The following NRG3 variants were observed in gnomAD, a reference collection of about 807,000 sequenced individuals.
NRG3 encodes the protein neuregulin 3.
A neutral mutation model predicts 66.9 loss-of-function variants in NRG3; 31 were observed. The ratio of observed to expected loss-of-function variants is 0.46; its 90% CI spans 0.35 to 0.63. The LOEUF is 0.63. Ranked by LOEUF, NRG3 falls within the 20% of genes least tolerant of loss-of-function variation. NRG3 has a pLI of 0.00. For synonymous variants in NRG3, 393 were observed against 359.4 expected, an observed-to-expected ratio of 1.09 and a Z score of -1.06; for missense variants, 910 against 878.9, an observed-to-expected ratio of 1.04 and a Z score of -0.45.
At chr10:81,968,093 T>A (rs1340808365) in intron 1 of NRG3, among the ~76,000 whole-genome samples, 2 of 152,362 alleles carry the variant, frequency 1.3e-5, no homozygotes, top group East Asian at 3.9e-4. Context: ...AACCACAGAA[T>A]GTCAGTGGAA....
chr10:82,020,530 C>T (rs778154406), intron 1 of NRG3, among the ~76,000 whole-genome samples: 4 of 152,034 alleles, frequency 2.6e-5, no homozygotes, highest in Non-Finnish European at 4.4e-5. Flanking sequence ...GAGGTATACA[C>T]GATCTCAATA....
chr10:82,930,806 T>C (rs1343984561), intron 4 of NRG3, among the ~76,000 whole-genome samples: 2 of 152,138 alleles, frequency 1.3e-5, no homozygotes, highest in East Asian at 3.9e-4. Context: ...TCCTAGAAGC[T>C]CATACTGGGA....
At chr10:82,334,568 A>G (rs1023056420) in intron 1 of NRG3, among the ~76,000 whole-genome samples, 1 of 152,244 alleles carries the variant, frequency 6.6e-6, no homozygotes, top group Non-Finnish European at 1.5e-5. Flanking sequence ...GAGTGATTTT[A>G]TAAAGAAAAT....
At chr10:82,672,611 G>A (rs1260412887) in intron 2 of NRG3, among the ~76,000 whole-genome samples, 1 of 152,176 alleles carries the variant, frequency 6.6e-6, no homozygotes, top group Non-Finnish European at 1.5e-5. Flanking sequence ...CTCAAATATT[G>A]TCATTTTGTT....
At chr10:82,693,844 T>G (rs1215842022) in intron 2 of NRG3, among the ~76,000 whole-genome samples, 3 of 152,176 alleles carry the variant, frequency 2.0e-5, no homozygotes, top group Admixed American at 6.5e-5. Flanking sequence ...AGATTTATTG[T>G]GAAGAGTGAA....
At chr10:81,969,764 A>G (rs1447156384) in intron 1 of NRG3, among the ~76,000 whole-genome samples, 1 of 144,520 alleles carries the variant, frequency 6.9e-6, no homozygotes, top group African/African-American at 2.8e-5. Context: ...TCATGTCTGG[A>G]CATTTTGAGT....
In NRG3 at chr10:82,705,407, G is replaced by A. The variant is rs904825793; in HGVS notation, c.954-33170G>A. ...TGTGGGGGGCAGAGCCCAGCAATCT[G>A]TTTGTTAACAAGTCCTCCAGGGCAT... On this transcript the variant is annotated intron_variant, in intron 2 of 8. Transcript: ENST00000372141. Among the ~76,000 whole-genome samples the A allele has an allele frequency of 7.9e-5, 12 of 152,142 alleles. No individual in the cohort carries two copies. The East Asian group carries it at 9.6e-4, about 12-fold the overall frequency.
intron 1 of NRG3, among the ~76,000 whole-genome samples, chr10:82,267,248 TGCATACAC>T (rs1345012912): frequency 6.6e-6 from 1 of 152,188 alleles, no homozygotes; most frequent in Non-Finnish European, 1.5e-5. Context: ...GACTATCACA[TGCATACAC>T]GCATACACAA....
intron 2 of NRG3, among the ~76,000 whole-genome samples, chr10:82,482,331 T>A (rs566413354): frequency 1.3e-5 from 2 of 152,334 alleles, no homozygotes; most frequent in African/African-American, 4.8e-5. Context: ...AGATTTTTCA[T>A]CTTGAATAGT....
intron 1 of NRG3, among the ~76,000 whole-genome samples, chr10:82,054,403 C>T (rs1345596962): frequency 1.3e-5 from 2 of 151,964 alleles, no homozygotes; most frequent in South Asian, 2.1e-4. Flanking sequence ...AAGGATGACT[C>T]GAAGACTTTG....
chr10:82,229,796 G>C (rs746378761), intron 1 of NRG3, among the ~76,000 whole-genome samples: 1 of 152,138 alleles, frequency 6.6e-6, no homozygotes, highest in Non-Finnish European at 1.5e-5. Flanking sequence ...TTTAGTTGAG[G>C]ACACAGGCAA....
intron 3 of NRG3, among the ~76,000 whole-genome samples, chr10:82,771,469 T>C (rs901370500): frequency 3.3e-5 from 5 of 152,154 alleles, no homozygotes; most frequent in Admixed American, 1.3e-4. Context: ...CCCACAGTTA[T>C]AGTCAGGCTC....
intron 2 of NRG3, among the ~76,000 whole-genome samples, chr10:82,628,626 A>G (rs1223762316): frequency 6.6e-6 from 1 of 151,976 alleles, no homozygotes; most frequent in Non-Finnish European, 1.5e-5. Context: ...GAAAAAAAAA[A>G]GCGGTTCCAC....
intron 1 of NRG3, among the ~76,000 whole-genome samples, chr10:82,089,233 G>A (rs865828340): frequency 6.6e-6 from 1 of 151,546 alleles, no homozygotes; most frequent in Non-Finnish European, 1.5e-5. Flanking sequence ...TAGCAAATTA[G>A]CATTTAAAAA....
intron 2 of NRG3, among the ~76,000 whole-genome samples, chr10:82,703,456 G>A (rs549549435): frequency 3.3e-5 from 5 of 152,168 alleles, no homozygotes; most frequent in Admixed American, 6.6e-5. Context: ...GGGAACAGAC[G>A]ATTTATTCTA....
chr10:82,202,341 C>T (rs1032819649), intron 1 of NRG3, among the ~76,000 whole-genome samples: 5 of 152,096 alleles, frequency 3.3e-5, no homozygotes, highest in Non-Finnish European at 7.4e-5. Context: ...TATTCCAGAT[C>T]ATCATCTTAT....
intron 2 of NRG3, among the ~76,000 whole-genome samples, chr10:82,387,352 C>G (rs2086067587): frequency 6.6e-6 from 1 of 152,156 alleles, no homozygotes; most frequent in Non-Finnish European, 1.5e-5. Flanking sequence ...ATGCACACAA[C>G]TGCTTTGATT....
intron 2 of NRG3, among the ~76,000 whole-genome samples, chr10:82,711,464 T>C (rs2056660460): frequency 6.6e-6 from 1 of 152,116 alleles, no homozygotes; most frequent in Admixed American, 6.6e-5. Context: ...TTTTTAAAAA[T>C]ATATTCCTCC....
chr10:82,696,046 A>G (rs949309735), intron 2 of NRG3, among the ~76,000 whole-genome samples: 6 of 152,136 alleles, frequency 3.9e-5, no homozygotes, highest in African/African-American at 1.2e-4. Flanking sequence ...CATTTCTTCA[A>G]TCCATTCTTT....
Sources: gnomAD v4.1 joint callset for allele counts (sites outside exome capture counted in the v4.1 genomes callset) on GRCh38, gnomAD v4.1.1 for gene constraint, MANE v1.5 for transcripts, NCBI Gene and HGNC (gene_info 2026-07-23, HGNC 2026-07-21) for gene names.